RMDN2: variants seen among roughly 807,000 people sequenced by gnomAD.
RMDN2 encodes the protein regulator of microtubule dynamics protein 2.
In RMDN2, 61 loss-of-function variants were observed where a neutral mutation model predicts 52.8. The ratio of observed to expected loss-of-function variants is 1.16; its 90% CI spans 0.94 to 1.43. RMDN2 has a LOEUF of 1.43. RMDN2 is among the 40% of genes most tolerant of loss of function. The pLI is 0.00. For synonymous variants in RMDN2, 180 were observed against 153.1 expected, an observed-to-expected ratio of 1.18 and a Z score of -1.30; for missense variants, 592 against 475.3, an observed-to-expected ratio of 1.25 and a Z score of -2.28.
intron 2 of RMDN2, among the ~76,000 whole-genome samples, chr2:37,939,716 CT>C (rs1332943370): frequency 6.6e-6 from 1 of 152,090 alleles, no homozygotes. Context: ...GCAAACCCTG[CT>C]TTTTTTAGCT....
At position 37,953,640 on chromosome 2, in the gene RMDN2, A is replaced by G. The variant is rs75837134; in HGVS notation, c.453-20400A>G. Among the ~76,000 whole-genome samples, 163 of 152,156 alleles carry G rather than the reference A, an allele frequency of 1.1e-3. 3 individuals are homozygous for G. In the East Asian group the frequency reaches 0.027, roughly 25 times the overall value. Reference sequence around the variant, plus strand: ...CATGTTTAACTATTGTGAATAATGCACTGTCTATGAACACGTGCATGCAAC... The same window carrying G: ...CATGTTTAACTATTGTGAATAATGCGCTGTCTATGAACACGTGCATGCAAC... On this transcript the variant is annotated intron_variant, in intron 2 of 10. Transcript: ENST00000354545.
In RMDN2 at chr2:37,979,828, A is replaced by G. The variant is rs1673070512; in HGVS notation, c.731-1455A>G. ...TGGCAGTACGCTGAAAGTTTTATTC[A>G]TTTGGTAATGTAGCTAAAAAATTGA... is the stretch of plus-strand genomic sequence containing the variant. On this transcript the variant is annotated intron_variant, in intron 4 of 10. Transcript: ENST00000354545. Among the ~76,000 whole-genome samples, 3 of 152,098 alleles carry G rather than the reference A, an allele frequency of 2.0e-5. No individual in the cohort carries two copies. The South Asian group carries it at 6.2e-4, about 32-fold the overall frequency.
chr2:38,009,770 G>C (rs1362646648), intron 10 of RMDN2, among the ~76,000 whole-genome samples: 1 of 151,650 alleles, frequency 6.6e-6, no homozygotes, highest in African/African-American at 2.4e-5. Context: ...CATTCCTTTG[G>C]AGGAGGAGAG....
intron 2 of RMDN2, among the ~76,000 whole-genome samples, chr2:37,972,579 C>G (rs1355574960): frequency 1.3e-5 from 2 of 152,034 alleles, no homozygotes; most frequent in African/African-American, 2.4e-5. Flanking sequence ...GGGTTTTGAG[C>G]AAAGGAGTGA....
intron 10 of RMDN2, chr2:38,032,963 T>C (rs1259873803): frequency 6.6e-6 from 1 of 152,224 alleles, no homozygotes; most frequent in Non-Finnish European, 1.5e-5. Flanking sequence ...ACAGTAAGTA[T>C]ACATTAGCTT....
intron 10 of RMDN2, among the ~76,000 whole-genome samples, chr2:38,039,866 T>C (rs1290493601): frequency 6.6e-6 from 1 of 152,150 alleles, no homozygotes; most frequent in African/African-American, 2.4e-5. Flanking sequence ...CCCAGGACAG[T>C]GTCTGACAAA....
At chr2:38,017,081 C>T in intron 10 of RMDN2, 105 bp from the exon 11 acceptor site, 1 of 540,928 alleles carries the variant, frequency 1.8e-6, no homozygotes, top group Non-Finnish European at 3.0e-6. Flanking sequence ...CCTTAAAGTT[C>T]TCATGTTGGG....
chr2:37,948,983 A>T (rs1438710825), intron 2 of RMDN2, among the ~76,000 whole-genome samples: 3 of 152,166 alleles, frequency 2.0e-5, no homozygotes, highest in African/African-American at 7.2e-5. Context: ...AAGCTGGCCC[A>T]ATTTTTCAAA....
chr2:37,935,537 A>G (rs897442392), intron 2 of RMDN2, among the ~76,000 whole-genome samples: 1 of 152,194 alleles, frequency 6.6e-6, no homozygotes, highest in Non-Finnish European at 1.5e-5. Flanking sequence ...CTGATCTTTT[A>G]AAAAATGAAA....
At chr2:38,053,168 C>T (rs1261522340) in intron 10 of RMDN2, among the ~76,000 whole-genome samples, 6 of 152,128 alleles carry the variant, frequency 3.9e-5, no homozygotes, top group Non-Finnish European at 8.8e-5. Context: ...TAAAGATTAT[C>T]CCTACAATAA....
At chr2:38,066,438 A>G (rs142191932) in intron 10 of RMDN2, among the ~76,000 whole-genome samples, 2 of 152,278 alleles carry the variant, frequency 1.3e-5, no homozygotes, top group African/African-American at 4.8e-5. Flanking sequence ...AATATATTTA[A>G]TTTTTTTCTT....
intron 5 of RMDN2, 85 bp downstream of exon 5, chr2:37,981,428 C>G: frequency 1.2e-6 from 1 of 851,530 alleles, no homozygotes; most frequent in Admixed American, 2.0e-5. Context: ...ACTATTGACT[C>G]ATACGTTTAA....
intron 10 of RMDN2, chr2:38,028,264 A>T (rs892300310): frequency 6.6e-6 from 1 of 152,252 alleles, no homozygotes; most frequent in East Asian, 1.9e-4. Context: ...AAAAGACAGC[A>T]TGACAAATTA....
upstream of RMDN2, among the ~76,000 whole-genome samples, chr2:37,920,930 T>C (rs1666013900): frequency 1.3e-5 from 2 of 152,350 alleles, no homozygotes; most frequent in Admixed American, 1.3e-4. Context: ...ATCACCGAAA[T>C]ACTGCGGAAA....
intron 10 of RMDN2, among the ~76,000 whole-genome samples, chr2:38,010,174 AG>A (rs1677749726): frequency 6.6e-6 from 1 of 152,154 alleles, no homozygotes; most frequent in East Asian, 1.9e-4. Context: ...CCACTTGAGG[AG>A]GCAGTCTGTC....
At chr2:37,946,930 A>G (rs1013424093) in intron 2 of RMDN2, among the ~76,000 whole-genome samples, 1 of 152,188 alleles carries the variant, frequency 6.6e-6, no homozygotes. Flanking sequence ...CATTGTTTCA[A>G]AACTACATCC....
intron 2 of RMDN2, chr2:37,952,059 G>A (rs148301050): frequency 5.6e-6 from 9 of 1,613,052 alleles, no homozygotes; most frequent in Non-Finnish European, 7.6e-6. Flanking sequence ...CCATAAAGCT[G>A]GATTTTCTTC....
Position 38,004,032 on chromosome 2 carries a change from G to A in RMDN2, c.1086G>A (p.Met362Ile), listed in dbSNP as rs1484344922. The change falls in exon 9 of 11, where the codon ATG (methionine) becomes ATA (isoleucine). Residue 362 changes from methionine to isoleucine, a missense_variant. By Grantham distance (10) the Met-to-Ile change is conservative. Transcript: ENST00000354545. The stretch of plus-strand genomic sequence containing the variant: ...CTGGTTATTCTAATCCCAATTACAT[G>A]TACTTAGCAAAGGTAATGAAGACCA... ...LCPGYSNPNY[M>I]YLAKCYTDLE... is the part of the protein sequence containing the mutation. The A allele has an allele frequency of 1.2e-6, 2 of 1,613,124 alleles. No homozygotes were observed. The highest frequency in any genetic ancestry group is 1.7e-6 in the Non-Finnish European group (2 of 1,179,294).
intron 2 of RMDN2, among the ~76,000 whole-genome samples, chr2:37,961,800 G>T (rs914968438): frequency 2.0e-5 from 3 of 152,144 alleles, no homozygotes; most frequent in Non-Finnish European, 2.9e-5. Context: ...CAGCATTTTT[G>T]CACTGGTTTT....
Sources: gnomAD v4.1 joint callset for allele counts (sites outside exome capture counted in the v4.1 genomes callset) on GRCh38, gnomAD v4.1.1 for gene constraint, MANE v1.5 for transcripts, NCBI Gene and HGNC (gene_info 2026-07-23, HGNC 2026-07-21) for gene names.